The following CENPP variants were observed in gnomAD, a reference collection of about 807,000 sequenced individuals.
CENPP encodes the protein centromere protein P.
A neutral mutation model predicts 35.6 loss-of-function variants in CENPP; 24 were observed. The ratio of observed to expected loss-of-function variants is 0.67; its 90% confidence interval spans 0.49 to 0.95. The LOEUF is 0.95. CENPP is among the 40% of genes least tolerant of loss of function. The pLI is 0.00. For missense variants in CENPP, 332 were observed against 345.3 expected (o/e 0.96, Z 0.31); for synonymous variants, 120 against 125.5 (o/e 0.96, Z 0.29).
At chr9:92,488,604 C>A (rs1248984123) in intron 5 of CENPP, among the ~76,000 whole-genome samples, 1 of 152,158 alleles carries the variant, frequency 6.6e-6, no homozygotes, top group Non-Finnish European at 1.5e-5. Context: ...ATAATGTATT[C>A]TTTATTCCTA....
chr9:92,568,490 G>A (rs1445259789), intron 5 of CENPP, among the ~76,000 whole-genome samples: 1 of 152,158 alleles, frequency 6.6e-6, no homozygotes, highest in Non-Finnish European at 1.5e-5. Flanking sequence ...TATCATTGAT[G>A]GACATTTGGG....
chr9:92,395,447 C>G (rs1211133714), intron 5 of CENPP, among the ~76,000 whole-genome samples: 2 of 152,088 alleles, frequency 1.3e-5, no homozygotes, highest in African/African-American at 4.8e-5. Context: ...TGGGTTGTTT[C>G]CAGGTTTTCA....
rs768834437 is a variant in CENPP, at chr9:92,616,038, C to T, written c.*2889C>T. On this transcript the variant is annotated 3_prime_UTR_variant, in exon 8 of 8. Coordinates refer to ENST00000375587, the MANE Select transcript of CENPP (RefSeq NM_001012267.3). ...GCAAACCTGGACCTCGATGAAGGGA[C>T]GACAGGCCTTTGATCAGAGCTGCAA... 29 of 1,613,776 alleles carry T rather than the reference C, an allele frequency of 1.8e-5. No homozygotes were observed. Among genetic ancestry groups the T allele is most frequent in the Middle Eastern group, 1.6e-4 (1 of 6,084 alleles).
At chr9:92,610,902 G>A (rs937253941) in intron 5 of CENPP, 2 of 219,878 alleles carry the variant, frequency 9.1e-6, no homozygotes, top group Non-Finnish European at 1.8e-5. Flanking sequence ...CTAAAACCGT[G>A]AGAAAACAGC....
intron 4 of CENPP, among the ~76,000 whole-genome samples, chr9:92,364,602 C>T (rs1409562480): frequency 1.3e-5 from 2 of 151,756 alleles, no homozygotes; most frequent in Non-Finnish European, 2.9e-5. Flanking sequence ...ATTCATTTGG[C>T]CAAAATCATA....
chr9:92,449,719 A>C (rs927518443), intron 5 of CENPP, among the ~76,000 whole-genome samples: 1 of 152,048 alleles, frequency 6.6e-6, no homozygotes, highest in African/African-American at 2.4e-5. Flanking sequence ...GTGAGTTCTC[A>C]TGAGATCAGG....
chr9:92,380,969 T>C (rs1842228034), intron 5 of CENPP, among the ~76,000 whole-genome samples: 1 of 152,218 alleles, frequency 6.6e-6, no homozygotes, highest in South Asian at 2.1e-4. Context: ...TTCTAGGAGC[T>C]GGTCTTTGCT....
intron 5 of CENPP, among the ~76,000 whole-genome samples, chr9:92,532,326 A>G (rs1411300832): frequency 6.6e-6 from 1 of 151,726 alleles, no homozygotes; most frequent in Non-Finnish European, 1.5e-5. Context: ...CAAAGATATA[A>G]TTTTCTTGTT....
intron 4 of CENPP, among the ~76,000 whole-genome samples, chr9:92,361,597 A>C (rs914520437): frequency 6.6e-6 from 1 of 151,824 alleles, no homozygotes; most frequent in African/African-American, 2.4e-5. Flanking sequence ...CTCCTGCCTC[A>C]GCCTCCTGAG....
chr9:92,431,386 A>G (rs1255284670), intron 5 of CENPP, among the ~76,000 whole-genome samples: 1 of 152,190 alleles, frequency 6.6e-6, no homozygotes, highest in Non-Finnish European at 1.5e-5. Context: ...GATCTCATTA[A>G]TACTTGATAC....
intron 5 of CENPP, among the ~76,000 whole-genome samples, chr9:92,433,834 A>G (rs1844180493): frequency 6.6e-6 from 1 of 152,160 alleles, no homozygotes; most frequent in East Asian, 1.9e-4. Context: ...TGGGAGGCTA[A>G]GGCAGGAGAA....
intron 5 of CENPP, chr9:92,522,836 G>GA (rs752987091): frequency 1.2e-5 from 19 of 1,605,412 alleles, no homozygotes; most frequent in Middle Eastern, 1.7e-4. Flanking sequence ...ATGATAAGCA[G>GA]AAAAAAACAA....
chr9:92,568,772 C>T (rs1267359107), intron 5 of CENPP, among the ~76,000 whole-genome samples: 1 of 152,174 alleles, frequency 6.6e-6, no homozygotes, highest in Admixed American at 6.5e-5. Context: ...TTAATGATTG[C>T]CATTCTAACT....
At chr9:92,512,371 T>C (rs1198978813) in intron 5 of CENPP, among the ~76,000 whole-genome samples, 2 of 152,242 alleles carry the variant, frequency 1.3e-5, no homozygotes, top group Admixed American at 1.3e-4. Flanking sequence ...AAATATATCA[T>C]GGTTTAGATG....
intron 5 of CENPP, among the ~76,000 whole-genome samples, chr9:92,558,359 T>C (rs533722530): frequency 1.3e-5 from 2 of 152,322 alleles, no homozygotes; most frequent in East Asian, 3.9e-4. Context: ...TCTCCTCCTT[T>C]TCCTATGGAT....
chr9:92,457,767 T>C (rs865849663), intron 5 of CENPP, among the ~76,000 whole-genome samples: 3 of 152,074 alleles, frequency 2.0e-5, no homozygotes, highest in African/African-American at 7.2e-5. Context: ...TCTCTCCAGA[T>C]AGATAGATAG....
At chr9:92,602,360 C>A (rs2131388014) in intron 5 of CENPP, among the ~76,000 whole-genome samples, 1 of 152,290 alleles carries the variant, frequency 6.6e-6, no homozygotes, top group South Asian at 2.1e-4. Context: ...TTGCCATGAG[C>A]CATCATAGGG....
rs146350643 is a variant in CENPP, at chr9:92,528,139, G to A, written c.565-83175G>A. 10 of 152,400 alleles carry A rather than the reference G, an allele frequency of 6.6e-5. No homozygotes were observed. In the East Asian group the frequency reaches 1.4e-3, roughly 21 times the overall value. 9.4% of individuals were successfully genotyped at this position (152,400 alleles called of 1,614,324 possible). A position where few individuals can be genotyped will look rare whatever the true frequency, so the allele number is the denominator to read the frequency against. On this transcript the variant is annotated intron_variant, in intron 5 of 7. Transcript: ENST00000375587. Reference sequence around the variant, plus strand: ...GCCAACATGGAGTAATAGGGACTACGTATACCTTCCCACCTGAAACAACTT... The same window carrying A: ...GCCAACATGGAGTAATAGGGACTACATATACCTTCCCACCTGAAACAACTT...
intron 5 of CENPP, chr9:92,416,999 T>C (rs755251115): frequency 6.8e-6 from 11 of 1,613,856 alleles, no homozygotes; most frequent in Non-Finnish European, 9.3e-6. Flanking sequence ...CATGGTCAAG[T>C]TTACTAGCCC....
Sources: allele counts gnomAD v4.1 joint callset (sites outside exome capture counted in the v4.1 genomes callset), GRCh38; gene constraint gnomAD v4.1.1; transcripts MANE v1.5; gene names NCBI Gene and HGNC (gene_info 2026-07-23, HGNC 2026-07-21).